Variants in PDGFC observed in about 807,000 individuals in gnomAD.
The protein encoded by PDGFC is platelet-derived growth factor C.
A neutral mutation model predicts 35.5 loss-of-function variants in PDGFC; 12 were observed. That is an observed-to-expected ratio of 0.34 (90% confidence interval 0.22 to 0.55). PDGFC has a LOEUF of 0.55. PDGFC is among the 20% of genes least tolerant of loss of function. The probability of loss-of-function intolerance (pLI) is 0.91; values close to 1 mark genes in which losing one functional copy is unlikely to be tolerated. For synonymous variants in PDGFC, 159 were observed against 148.8 expected, an observed-to-expected ratio of 1.07 and a Z score of -0.50; for missense variants, 322 against 412.4, an observed-to-expected ratio of 0.78 and a Z score of 1.90.
intron 1 of PDGFC, among the ~76,000 whole-genome samples, chr4:156,939,824 T>C (rs1278939147): frequency 6.6e-6 from 1 of 152,076 alleles, no homozygotes; most frequent in East Asian, 1.9e-4. Flanking sequence ...AGCCTCACGT[T>C]GACAGAATGC....
intron 2 of PDGFC, among the ~76,000 whole-genome samples, chr4:156,824,393 TATATATACACAC>T (rs1434993443): frequency 1.4e-4 from 19 of 132,132 alleles, no homozygotes; most frequent in Admixed American, 1.3e-3. Flanking sequence ...TACACACACA[TATATATACACAC>T]ATATATACAC....
chr4:156,825,578 T>TAAGAAGAAGAAGAAG (rs1304163404), intron 2 of PDGFC, among the ~76,000 whole-genome samples: 17 of 94,996 alleles, frequency 1.8e-4, no homozygotes, highest in Middle Eastern at 4.9e-3. Context: ...ATAATAATAA[T>TAAGAAGAAGAAGAAG]AATAATAATA....
At chr4:156,894,180 T>A (rs1217615083) in intron 1 of PDGFC, among the ~76,000 whole-genome samples, 4 of 152,154 alleles carry the variant, frequency 2.6e-5, no homozygotes, top group Non-Finnish European at 2.9e-5. Flanking sequence ...GTATTAACCA[T>A]CCCCCTTTAG....
intron 1 of PDGFC, chr4:156,873,829 C>T (rs1253618091): frequency 6.6e-6 from 1 of 152,152 alleles, no homozygotes; most frequent in African/African-American, 2.4e-5. Context: ...ACAGGTCCTG[C>T]CTTTTAAAAG....
chr4:156,896,579 T>C (rs1490302412), intron 1 of PDGFC, among the ~76,000 whole-genome samples: 1 of 152,138 alleles, frequency 6.6e-6, no homozygotes, highest in Non-Finnish European at 1.5e-5. Flanking sequence ...AAATTTTACT[T>C]AAAGAGTTGA....
chr4:156,915,486 T>A (rs907928856), intron 1 of PDGFC, among the ~76,000 whole-genome samples: 1 of 152,170 alleles, frequency 6.6e-6, no homozygotes. Flanking sequence ...CTGAACTCTG[T>A]CCCTTTATTT....
At chr4:156,832,754 A>G (rs1728975396) in intron 2 of PDGFC, among the ~76,000 whole-genome samples, 1 of 152,196 alleles carries the variant, frequency 6.6e-6, no homozygotes, top group African/African-American at 2.4e-5. Flanking sequence ...GTATTTCAGG[A>G]ATGCAAAACC....
At chr4:156,811,093 G>T in intron 2 of PDGFC, 76 bp from the exon 3 acceptor site, 1 of 933,280 alleles carries the variant, frequency 1.1e-6, no homozygotes, top group Non-Finnish European at 1.6e-6. Context: ...ATGTCTGTGG[G>T]TGCTATGACT....
At chr4:156,952,332 A>G (rs1016090727) in intron 1 of PDGFC, among the ~76,000 whole-genome samples, 2 of 151,874 alleles carry the variant, frequency 1.3e-5, no homozygotes, top group African/African-American at 2.4e-5. Context: ...TTTCTTCAAA[A>G]TGTAATACTT....
intron 3 of PDGFC, among the ~76,000 whole-genome samples, chr4:156,796,327 C>A (rs922026029): frequency 2.0e-5 from 3 of 151,270 alleles, no homozygotes; most frequent in African/African-American, 7.3e-5. Flanking sequence ...TATTTAGTAC[C>A]CCCATAGTGT....
chr4:156,773,992 G>A (rs1730755839), intron 3 of PDGFC, among the ~76,000 whole-genome samples: 1 of 152,030 alleles, frequency 6.6e-6, no homozygotes, highest in Admixed American at 6.6e-5. Flanking sequence ...ATAAATAGCA[G>A]CTTCTAACCT....
chr4:156,872,853 A>T (rs1201056703), intron 1 of PDGFC, among the ~76,000 whole-genome samples: 3 of 152,186 alleles, frequency 2.0e-5, no homozygotes, highest in African/African-American at 7.2e-5. Flanking sequence ...ATTGTCAGCC[A>T]GGTGCGATGG....
intron 1 of PDGFC, among the ~76,000 whole-genome samples, chr4:156,932,081 A>AT (rs1174497131): frequency 3.3e-5 from 5 of 152,200 alleles, no homozygotes; most frequent in African/African-American, 1.2e-4. Context: ...TGTAATGCTA[A>AT]TTTAATCTAT....
At chr4:156,847,396 C>A (rs894740221) in intron 2 of PDGFC, among the ~76,000 whole-genome samples, 9 of 151,694 alleles carry the variant, frequency 5.9e-5, no homozygotes, top group Admixed American at 1.3e-4. Flanking sequence ...AACATGTGAA[C>A]AATCTAAACT....
intron 3 of PDGFC, among the ~76,000 whole-genome samples, chr4:156,786,018 G>A (rs1028895138): frequency 2.6e-5 from 4 of 152,080 alleles, no homozygotes; most frequent in Non-Finnish European, 5.9e-5. Flanking sequence ...TGCTTCAGCT[G>A]ATTTCAGATA....
At position 156,820,851 on chromosome 4, in the gene PDGFC, G is replaced by C. The variant is rs371866781; in HGVS notation, c.315-9834C>G. 1.6e-3 allele frequency among the ~76,000 whole-genome samples: 250 copies of C among 152,296 alleles called. 11 individuals carry two copies. In the South Asian group the frequency reaches 0.05, roughly 31 times the overall value. On this transcript the variant is annotated intron_variant, in intron 2 of 5. Transcript: ENST00000502773. Reference sequence around the variant, plus strand: ...GTAAAACATTATTCAACAGAAACTAGAGGCAGTATATTGGATCAAATTAAA... The same window carrying C: ...GTAAAACATTATTCAACAGAAACTACAGGCAGTATATTGGATCAAATTAAA...
intron 2 of PDGFC, among the ~76,000 whole-genome samples, chr4:156,848,506 A>G (rs1729378333): frequency 6.6e-6 from 1 of 152,002 alleles, no homozygotes; most frequent in Non-Finnish European, 1.5e-5. Flanking sequence ...GATTATTTCT[A>G]TGATGAAATA....
At chr4:156,962,021 C>A (rs957825443) in intron 1 of PDGFC, among the ~76,000 whole-genome samples, 1 of 152,080 alleles carries the variant, frequency 6.6e-6, no homozygotes, top group Non-Finnish European at 1.5e-5. Context: ...CACACCAAAG[C>A]AGAAATCTGT....
At chr4:156,931,387 G>A (rs779448469) in intron 1 of PDGFC, among the ~76,000 whole-genome samples, 7 of 152,182 alleles carry the variant, frequency 4.6e-5, no homozygotes, top group Non-Finnish European at 8.8e-5. Flanking sequence ...TATAGTCAAA[G>A]ATCCATGAAG....
Sources: allele counts gnomAD v4.1 joint callset (sites outside exome capture counted in the v4.1 genomes callset), GRCh38; gene constraint gnomAD v4.1.1; transcripts MANE v1.5; gene names NCBI Gene and HGNC (gene_info 2026-07-23, HGNC 2026-07-21).